The following TGM3 variants were observed in gnomAD, a reference collection of about 807,000 sequenced individuals.
TGM3 encodes transglutaminase 3.
In TGM3, 52 loss-of-function variants were observed where a neutral mutation model predicts 73.8. That is an observed-to-expected ratio of 0.70 (90% CI 0.56 to 0.89). TGM3 has a LOEUF of 0.89. Ranked by LOEUF, TGM3 falls within the 40% of genes least tolerant of loss-of-function variation. TGM3 has a pLI of 0.00. For synonymous variants in TGM3, 372 were observed against 354.9 expected (o/e 1.05, Z -0.54); for missense variants, 928 against 909.9 (o/e 1.02, Z -0.26).
At chr20:2,338,569 C>G (rs994483496) in intron 11 of TGM3, among the ~76,000 whole-genome samples, 1 of 152,168 alleles carries the variant, frequency 6.6e-6, no homozygotes, top group Non-Finnish European at 1.5e-5. Context: ...TATTGCAGAC[C>G]TATCAGAAAC....
chr20:2,314,860 AGTTGGATAT>A (rs1447649546), intron 5 of TGM3, among the ~76,000 whole-genome samples: 1 of 152,138 alleles, frequency 6.6e-6, no homozygotes, highest in African/African-American at 2.4e-5. Flanking sequence ...TTGACTTTTG[AGTTGGATAT>A]GTCCATGCTA....
chr20:2,326,702 G>A (rs541863347), intron 8 of TGM3, among the ~76,000 whole-genome samples: 1 of 152,072 alleles, frequency 6.6e-6, no homozygotes, highest in South Asian at 2.1e-4. Context: ...TACAAAATTA[G>A]TCGGGCATGA....
intron 5 of TGM3, 27 bp from the exon 6 acceptor site, chr20:2,317,041 C>T: frequency 6.2e-7 from 1 of 1,611,024 alleles, no homozygotes; most frequent in Non-Finnish European, 8.5e-7. Context: ...AGTGCTGACT[C>T]ATTTTGGGGG....
intron 1 of TGM3, among the ~76,000 whole-genome samples, chr20:2,298,531 C>A (rs2084123808): frequency 6.6e-6 from 1 of 152,146 alleles, no homozygotes; most frequent in Admixed American, 6.5e-5. Flanking sequence ...AGCTTTCTTG[C>A]CAACTACTTT....
intron 8 of TGM3, among the ~76,000 whole-genome samples, chr20:2,327,298 G>A (rs1486283624): frequency 3.3e-5 from 5 of 151,034 alleles, no homozygotes; most frequent in Non-Finnish European, 5.9e-5. Context: ...GTGAAACCCC[G>A]TCTCTACTAA....
Position 2,317,203 on chromosome 20 carries a change from C to A in TGM3, c.805C>A (p.Arg269=). 1.2e-6 allele frequency: 2 copies of A among 1,614,172 alleles called. No homozygotes were observed. The highest frequency in any genetic ancestry group is 1.7e-6 in the Non-Finnish European group (2 of 1,180,046). The change falls in exon 6 of 13, where the codon CGA becomes AGA. Residue 269 remains arginine, a synonymous_variant. Transcript: ENST00000381458. ...GAAAAAATCTGGCTTCAGCCCAGTC[C>A]GATATGGCCAGTGCTGGGTCTTTGC... ...NWKKSGFSPV[R]YGQCWVFAGT...
intron 7 of TGM3, among the ~76,000 whole-genome samples, chr20:2,318,698 T>C (rs2084248395): frequency 1.3e-5 from 2 of 152,240 alleles, no homozygotes; most frequent in Non-Finnish European, 2.9e-5. Flanking sequence ...TAGATAATCG[T>C]ATGACAGATG....
intron 5 of TGM3, among the ~76,000 whole-genome samples, chr20:2,315,577 A>G (rs11906667): frequency 0.077 from 11,722 of 152,286 alleles, 1,504 homozygotes; most frequent in African/African-American, 0.26. Flanking sequence ...AGGCCTTGCC[A>G]CTTACAGGCA....
At chr20:2,302,699 T>C (rs2084155186) in intron 1 of TGM3, among the ~76,000 whole-genome samples, 1 of 140,880 alleles carries the variant, frequency 7.1e-6, no homozygotes, top group Non-Finnish European at 1.6e-5. Context: ...CAACTGTTTA[T>C]ATAAAGAGGT....
rs11473649 is a variant in TGM3, at chr20:2,314,530, T to TACACACAC, written c.669+1538_669+1545dup. Among the ~76,000 whole-genome samples the TACACACAC allele has an allele frequency of 5.7e-3, 775 of 136,774 alleles. 7 individuals are homozygous for TACACACAC. Among genetic ancestry groups the TACACACAC allele is most frequent in the African/African-American group, 0.019 (687 of 35,382 alleles). The allele number at this position is 136,774 out of a possible 152,430, so 89.7% of individuals were successfully genotyped here. ...AACATAGTGAGACCTCATCTACACA[T>TACACACAC]ACACACACACACACACACACACACA... On this transcript the variant is annotated intron_variant, in intron 5 of 12. Coordinates refer to ENST00000381458, the MANE Select transcript of TGM3 (RefSeq NM_003245.4).
intron 1 of TGM3, among the ~76,000 whole-genome samples, chr20:2,301,861 C>T (rs543130087): frequency 5.9e-5 from 9 of 152,228 alleles, no homozygotes; most frequent in South Asian, 4.1e-4. Context: ...TCACCACGTC[C>T]GGCTAATTTT....
At position 2,334,184 on chromosome 20, in the gene TGM3, TTCC is replaced by T. The variant is rs547162266; in HGVS notation, c.1643-931_1643-929del. ...CATGGAGAGAAGCCAGGGGAGGCAT[TTCC>T]ATCTGGGGGAACCATGTGAGTCAAA... On this transcript the variant is annotated intron_variant, in intron 10 of 12. Transcript: ENST00000381458. This position sits in a 1 kb window ranked among gnomAD's most constrained non-coding sequence, Gnocchi z 4.0. 3.3e-5 allele frequency among the ~76,000 whole-genome samples: 5 copies of T among 152,106 alleles called. No homozygotes were observed. Among genetic ancestry groups the T allele is most frequent in the Non-Finnish European group, 7.4e-5 (5 of 68,006 alleles).
intron 12 of TGM3, among the ~76,000 whole-genome samples, 189 bp from the exon 13 acceptor site, chr20:2,340,244 CT>C (rs1227847038): frequency 1.3e-5 from 2 of 152,188 alleles, no homozygotes; most frequent in East Asian, 1.9e-4. Flanking sequence ...GGACCCCCCC[CT>C]CCTGCTTCCC....
intron 8 of TGM3, among the ~76,000 whole-genome samples, chr20:2,327,455 C>T (rs777445484): frequency 4.6e-5 from 7 of 151,878 alleles, no homozygotes; most frequent in Non-Finnish European, 7.4e-5. Flanking sequence ...CCAGACTGGG[C>T]GACAGAGCAC....
rs746070685 is a variant in TGM3 at position 2,317,479 on chromosome 20, G to A, written c.977G>A (p.Ser326Asn). Residue 326 changes from serine to asparagine, a missense_variant, in exon 7 of 13, where the codon AGC becomes AAC. Ser to Asn is a conservative substitution (Grantham distance 46). Coordinates refer to ENST00000381458, the MANE Select transcript of TGM3 (RefSeq NM_003245.4). ...AACCCCCTGGACAAGGGTAGTGATA[G>A]CGTATGGTAAGTATCTCACCTTTTC... is the stretch of plus-strand genomic sequence containing the variant. ...MGNPLDKGSDSVWNFHVWNEG... is the reference protein window; with the variant it reads ...MGNPLDKGSDNVWNFHVWNEG... The A allele has an allele frequency of 5.6e-6, 9 of 1,614,106 alleles. No homozygotes were observed. Among genetic ancestry groups the A allele is most frequent in the East Asian group, 2.2e-5 (1 of 44,892 alleles).
intron 4 of TGM3, 142 bp from the exon 5 acceptor site, chr20:2,312,756 T>G (rs1468020703): frequency 8.5e-7 from 1 of 1,177,726 alleles, no homozygotes; most frequent in Non-Finnish European, 1.2e-6. Context: ...GCATGGTGGC[T>G]GTCCTCAGTA....
rs780947108 is a variant in TGM3 at position 2,310,236 on chromosome 20, T to C, written c.240T>C (p.Ser80=). The change falls in exon 3 of 13, where the codon AGT becomes AGC. Residue 80 remains serine, a synonymous_variant. Transcript: ENST00000381458. The part of the protein sequence containing the change: ...TKAVFPLSNG[S]SGGWSAVLQA... ...CTGTGTTTCCACTCTCCAATGGCAG[T>C]AGTGGTGGCTGGAGTGCGGTGCTTC... The C allele has an allele frequency of 6.2e-7, 1 of 1,614,100 alleles. No individual in the cohort carries two copies. The highest frequency in any genetic ancestry group is 2.2e-5 in the East Asian group (1 of 44,896).
chr20:2,300,390 TGAGAGCCTCTGGTCTCA>T (rs1328202656), intron 1 of TGM3, among the ~76,000 whole-genome samples: 5 of 152,314 alleles, frequency 3.3e-5, no homozygotes, highest in African/African-American at 1.2e-4. Context: ...CAGCTGGGGT[TGAGAGCCTCTGGTCTCA>T]GAGATTCTAA....
At chr20:2,302,081 TG>T (rs1165284501) in intron 1 of TGM3, among the ~76,000 whole-genome samples, 1 of 152,208 alleles carries the variant, frequency 6.6e-6, no homozygotes, top group African/African-American at 2.4e-5. Context: ...AGAAAAGGTG[TG>T]GGAAGTAGAG....
Sources: allele counts gnomAD v4.1 joint callset (sites outside exome capture counted in the v4.1 genomes callset), GRCh38; gene constraint gnomAD v4.1.1; non-coding constraint Gnocchi (gnomAD v3.1); transcripts MANE v1.5; gene names NCBI Gene and HGNC (gene_info 2026-07-23, HGNC 2026-07-21).